Variants in PPP1R13B observed in about 807,000 individuals in gnomAD.
PPP1R13B encodes the protein protein phosphatase 1 regulatory subunit 13B, also known as apoptosis-stimulating of p53 protein 1.
A neutral mutation model predicts 119.8 loss-of-function variants in PPP1R13B; 44 were observed. The ratio of observed to expected loss-of-function variants is 0.37; its 90% CI spans 0.29 to 0.47. The LOEUF (loss-of-function observed/expected upper bound fraction) is 0.47. Among genes scored for constraint, PPP1R13B ranks in the 20% least tolerant of loss-of-function variants. PPP1R13B has a pLI of 0.99. For missense variants in PPP1R13B, 1,227 were observed against 1,413.5 expected (o/e 0.87, Z 2.12); for synonymous variants, 542 against 561.5 (o/e 0.97, Z 0.49).
chr14:103,750,778 C>T (rs537762701), intron 7 of PPP1R13B, among the ~76,000 whole-genome samples: 1 of 151,652 alleles, frequency 6.6e-6, no homozygotes, highest in African/African-American at 2.4e-5. Flanking sequence ...TTGCAGTGAG[C>T]TGAGATTGCC....
intron 9 of PPP1R13B, chr14:103,743,870 T>C (rs2084320568): frequency 6.6e-6 from 1 of 152,310 alleles, no homozygotes; most frequent in Admixed American, 6.5e-5. Flanking sequence ...CTCACACGGC[T>C]TGCTCCTAAG....
chr14:103,794,006 G>A (rs2085693168), intron 2 of PPP1R13B, among the ~76,000 whole-genome samples: 2 of 152,202 alleles, frequency 1.3e-5, no homozygotes, highest in South Asian at 4.1e-4. Context: ...ACAAGAGGGG[G>A]AGGTTTGTCC....
chr14:103,834,159 G>A (rs2086721814), intron 1 of PPP1R13B, among the ~76,000 whole-genome samples: 1 of 152,120 alleles, frequency 6.6e-6, no homozygotes, highest in Non-Finnish European at 1.5e-5. Context: ...TGGATCACTT[G>A]AGGCCAGACG....
chr14:103,842,614 C>T (rs1293419965), intron 1 of PPP1R13B, among the ~76,000 whole-genome samples: 1 of 151,372 alleles, frequency 6.6e-6, no homozygotes, highest in Non-Finnish European at 1.5e-5. Flanking sequence ...AGAGTACCTT[C>T]TTTATGAAGA....
chr14:103,807,492 C>A, intron 1 of PPP1R13B, among the ~76,000 whole-genome samples: 1 of 152,152 alleles, frequency 6.6e-6, no homozygotes, highest in East Asian at 1.9e-4. Context: ...CCCAATTATA[C>A]GTAAAATGTC....
intron 3 of PPP1R13B, among the ~76,000 whole-genome samples, chr14:103,782,151 G>A (rs544084826): frequency 2.6e-5 from 4 of 152,174 alleles, no homozygotes; most frequent in East Asian, 1.9e-4. Context: ...CCCCAGTTGC[G>A]TAGATATCTT....
intron 1 of PPP1R13B, among the ~76,000 whole-genome samples, chr14:103,831,910 T>C (rs2086672214): frequency 6.6e-6 from 1 of 151,732 alleles, no homozygotes; most frequent in Non-Finnish European, 1.5e-5. Flanking sequence ...TACTCCAGCC[T>C]GGGTGACAGA....
At chr14:103,755,354 A>G (rs1342583511) in intron 5 of PPP1R13B, among the ~76,000 whole-genome samples, 1 of 152,230 alleles carries the variant, frequency 6.6e-6, no homozygotes, top group Non-Finnish European at 1.5e-5. Context: ...AAAGAGATAA[A>G]TCTTCAATTT....
At chr14:103,831,328 T>A (rs1347217778) in intron 1 of PPP1R13B, among the ~76,000 whole-genome samples, 19 of 145,528 alleles carry the variant, frequency 1.3e-4, no homozygotes, top group African/African-American at 4.8e-4. Context: ...TTTTTTTTTT[T>A]AGGCAGAGTC....
chr14:103,778,930 A>AG, intron 3 of PPP1R13B, 109 bp from the exon 4 acceptor site: 2 of 843,248 alleles, frequency 2.4e-6, no homozygotes, highest in Non-Finnish European at 3.8e-6. Flanking sequence ...GTAAAATACC[A>AG]GGCTGAGAAA....
At chr14:103,791,559 T>C (rs888038980) in intron 2 of PPP1R13B, among the ~76,000 whole-genome samples, 1 of 152,116 alleles carries the variant, frequency 6.6e-6, no homozygotes, top group African/African-American at 2.4e-5. Context: ...ATCCCGTCTC[T>C]ACTAAAAATA....
At chr14:103,834,642 GGGCAATGGAGCAATCTC>G (rs2086734705) in intron 1 of PPP1R13B, among the ~76,000 whole-genome samples, 1 of 146,974 alleles carries the variant, frequency 6.8e-6, no homozygotes, top group Non-Finnish European at 1.5e-5. Flanking sequence ...CCAGGCTGGA[GGGCAATGGAGCAATCTC>G]GACTCACCAC....
intron 1 of PPP1R13B, among the ~76,000 whole-genome samples, chr14:103,836,941 C>T (rs990538754): frequency 1.3e-5 from 2 of 152,138 alleles, no homozygotes; most frequent in Non-Finnish European, 2.9e-5. Context: ...TCTGTTTATA[C>T]TTTGGTAATT....
chr14:103,819,499 T>TAAAAAAAAAAAA (rs151084316), intron 1 of PPP1R13B, among the ~76,000 whole-genome samples: 1 of 122,052 alleles, frequency 8.2e-6, no homozygotes, highest in Non-Finnish European at 1.7e-5. Flanking sequence ...ATCTGTCTAT[T>TAAAAAAAAAAAA]AAAAAAAACA....
intron 4 of PPP1R13B, among the ~76,000 whole-genome samples, chr14:103,770,029 A>G (rs1439423516): frequency 2.6e-5 from 4 of 152,010 alleles, no homozygotes; most frequent in African/African-American, 7.3e-5. Flanking sequence ...GTACTACAAC[A>G]TGCTATTTTA....
At chr14:103,794,711 G>A (rs950810545) in intron 2 of PPP1R13B, 5 of 416,692 alleles carry the variant, frequency 1.2e-5, no homozygotes, top group Admixed American at 1.1e-4. Context: ...TAAAAGGACT[G>A]AGAAAGGCTG....
intron 3 of PPP1R13B, among the ~76,000 whole-genome samples, chr14:103,780,305 G>A (rs756723933): frequency 2.0e-5 from 3 of 151,716 alleles, no homozygotes; most frequent in East Asian, 1.9e-4. Flanking sequence ...GGGCAACAGC[G>A]TGAAACCCTA....
chr14:103,805,596 G>A (rs567830969), intron 1 of PPP1R13B, among the ~76,000 whole-genome samples: 41 of 149,820 alleles, frequency 2.7e-4, no homozygotes, highest in African/African-American at 9.3e-4. Flanking sequence ...AAGAAGGAAG[G>A]AAGGAAGGAA....
chr14:103,739,897 G>C lies in PPP1R13B; in HGVS notation c.2519C>G (p.Ala840Gly). ...GACCTGCTCTTCCCCTGGAGATGGG[G>C]CCTCAGCCACAGGACTCGGGATCTG... ...TEQIPSPVAE[A>G]PSPGEEQVPP... The change falls in exon 12 of 17, where the codon GCC (alanine) becomes GGC (glycine). Residue 840 changes from alanine to glycine, a missense_variant. Ala to Gly is a moderately conservative substitution (Grantham distance 60, BLOSUM62 0). Coordinates refer to ENST00000202556, the MANE Select transcript of PPP1R13B (RefSeq NM_015316.3). 1 of 1,613,990 alleles carries C rather than the reference G, an allele frequency of 6.2e-7. No individual in the cohort carries two copies. The highest frequency in any genetic ancestry group is 2.2e-5 in the East Asian group (1 of 44,880).
Sources: gnomAD v4.1 joint callset for allele counts (sites outside exome capture counted in the v4.1 genomes callset) on GRCh38, gnomAD v4.1.1 for gene constraint, MANE v1.5 for transcripts, NCBI Gene and HGNC (gene_info 2026-07-23, HGNC 2026-07-21) for gene names.